ZMYM2: variants seen among roughly 807,000 people sequenced by gnomAD.
ZMYM2 encodes zinc finger MYM-type containing 2, also known as zinc finger MYM-type protein 2.
In ZMYM2, 56 loss-of-function variants were observed where a neutral mutation model predicts 162.8. That is an observed-to-expected ratio of 0.34 (90% CI 0.28 to 0.43). The LOEUF (loss-of-function observed/expected upper bound fraction) is 0.43, where lower values mean the gene tolerates loss of function less well. ZMYM2 is among the 20% of genes least tolerant of loss of function. ZMYM2 has a pLI of 1.00. For synonymous variants in ZMYM2, 510 were observed against 541.6 expected, an observed-to-expected ratio of 0.94 and a Z score of 0.81; for missense variants, 1,275 against 1,621.8, an observed-to-expected ratio of 0.79 and a Z score of 3.67.
intron 2 of ZMYM2, among the ~76,000 whole-genome samples, chr13:19,979,667 C>T (rs1957134829): frequency 6.6e-6 from 1 of 152,100 alleles, no homozygotes; most frequent in African/African-American, 2.4e-5. Context: ...ACACACAATC[C>T]CAAATTTTGG....
At chr13:19,954,320 G>A (rs1954474552), upstream of ZMYM2, among the ~76,000 whole-genome samples, 1 of 151,364 alleles carries the variant, frequency 6.6e-6, no homozygotes, top group Non-Finnish European at 1.5e-5. Context: ...AGTAGAGACG[G>A]GGTTTCACCG....
chr13:19,942,945 G>A, the ZMYM2 span, among the ~76,000 whole-genome samples: 2 of 152,146 alleles, frequency 1.3e-5, no homozygotes, highest in East Asian at 1.9e-4. Flanking sequence ...TAGAAATTAG[G>A]TTCGTAGGGC....
chr13:20,021,994 T>TA (rs1370320560), intron 7 of ZMYM2, among the ~76,000 whole-genome samples: 1 of 152,212 alleles, frequency 6.6e-6, no homozygotes, highest in Non-Finnish European at 1.5e-5. Context: ...TAGGCTCTGT[T>TA]AACCTCCCCT....
rs191867357 is a variant in ZMYM2 at position 20,088,504 on chromosome 13, A to G, written c.*2490A>G. 1.0e-4 allele frequency: 20 copies of G among 199,664 alleles called. No homozygotes were observed. The highest frequency in any genetic ancestry group is 4.4e-4 in the African/African-American group (19 of 43,560). The allele number at this position is 199,664 out of a possible 1,614,324, so 12.4% of individuals were successfully genotyped here. On this transcript the variant is annotated 3_prime_UTR_variant, in exon 25 of 25. Transcript: ENST00000610343. ...TAAAATGATCCAGTGAAAAATATTTATCCACATTGAAGAAAGTGGATTTCC... is the reference window on the plus strand; with the variant it reads ...TAAAATGATCCAGTGAAAAATATTTGTCCACATTGAAGAAAGTGGATTTCC...
chr13:20,038,793 T>G (rs1953971133), intron 12 of ZMYM2, among the ~76,000 whole-genome samples: 1 of 149,208 alleles, frequency 6.7e-6, no homozygotes, highest in Non-Finnish European at 1.5e-5. Flanking sequence ...TTTTAAAAGT[T>G]TTTTTTTTTT....
At chr13:19,984,274 GTTAA>G (rs1311356033) in intron 2 of ZMYM2, among the ~76,000 whole-genome samples, 5 of 152,064 alleles carry the variant, frequency 3.3e-5, no homozygotes, top group Non-Finnish European at 4.4e-5. Context: ...CAACTGTTGT[GTTAA>G]TTAATTCTCA....
intron 16 of ZMYM2, 141 bp downstream of exon 16, chr13:20,059,703 A>C: frequency 4.6e-6 from 3 of 647,218 alleles, no homozygotes; most frequent in Non-Finnish European, 8.2e-6. Flanking sequence ...TTCCCCAATA[A>C]ATATGGGCGG....
At chr13:20,032,755 C>T (rs1211639806) in intron 10 of ZMYM2, among the ~76,000 whole-genome samples, 1 of 151,608 alleles carries the variant, frequency 6.6e-6, no homozygotes, top group Non-Finnish European at 1.5e-5. Context: ...ATTACAGATG[C>T]CTGCCACCAC....
chr13:19,916,761 A>G, the ZMYM2 span, among the ~76,000 whole-genome samples: 1 of 152,140 alleles, frequency 6.6e-6, no homozygotes, highest in Non-Finnish European at 1.5e-5. Flanking sequence ...TACCTAATGT[A>G]AATGACGAGT....
rs768818721 is a variant in ZMYM2, at chr13:20,064,498, T to C, written c.3085T>C (p.Phe1029Leu). ...MENEFLLPPV[F>L]GEEYEEQPRP... is the part of the protein sequence containing the mutation. Reference sequence around the variant, plus strand: ...AAATGAATTTTTATTACCACCTGTTTTTGGCGAAGAATATGAGGAACAGCC... The same window carrying C: ...AAATGAATTTTTATTACCACCTGTTCTTGGCGAAGAATATGAGGAACAGCC... The change falls in exon 19 of 25, where the codon TTT becomes CTT. Residue 1029 changes from phenylalanine (F) to leucine (L), a missense_variant. Phe to Leu is a conservative substitution (Grantham distance 22). Around this residue, in one of 10 missense-constraint regions of ZMYM2, gnomAD observed 229 missense variants for 283.8 expected, o/e 0.81. Transcript: ENST00000610343. The C allele has an allele frequency of 3.7e-6, 6 of 1,601,062 alleles. No individual in the cohort carries two copies. Among genetic ancestry groups the C allele is most frequent in the Non-Finnish European group, 5.1e-6 (6 of 1,173,722 alleles).
chr13:20,034,411 T>G lies in ZMYM2; in HGVS notation c.2119+7T>G, dbSNP rs757081392. On this transcript the variant is annotated splice_region_variant and intron_variant, in intron 11 of 24. Transcript: ENST00000610343. ...AGACCTTTCTGTAGTGAAGGCAAGTTGCATATACAGTGTTGTTCATAACAT... is the reference window on the plus strand; with the variant it reads ...AGACCTTTCTGTAGTGAAGGCAAGTGGCATATACAGTGTTGTTCATAACAT... 2 of 1,577,998 alleles carry G rather than the reference T, an allele frequency of 1.3e-6. No homozygotes were observed. Among genetic ancestry groups the G allele is most frequent in the Admixed American group, 3.7e-5 (2 of 53,596 alleles).
At chr13:19,998,149 A>G (rs1296394729) in intron 3 of ZMYM2, among the ~76,000 whole-genome samples, 3 of 152,356 alleles carry the variant, frequency 2.0e-5, no homozygotes, top group Admixed American at 1.3e-4. Flanking sequence ...GAAGAGCTAT[A>G]AAATCTTGGC....
At chr13:19,913,037 A>G in the ZMYM2 span, among the ~76,000 whole-genome samples, 2 of 152,188 alleles carry the variant, frequency 1.3e-5, no homozygotes, top group Non-Finnish European at 2.9e-5. Context: ...CTAGAGCAAG[A>G]GACGGGTCTG....
chr13:19,902,768 TTTGGGAGG>T, the ZMYM2 span, among the ~76,000 whole-genome samples: 1 of 152,142 alleles, frequency 6.6e-6, no homozygotes, highest in Non-Finnish European at 1.5e-5. Flanking sequence ...ATCCCAGCAC[TTTGGGAGG>T]CTGAGGTGTG....
chr13:19,992,551 C>A (rs560277238), intron 2 of ZMYM2, among the ~76,000 whole-genome samples: 8 of 152,062 alleles, frequency 5.3e-5, no homozygotes, highest in Non-Finnish European at 1.0e-4. Flanking sequence ...CAGAACGAGA[C>A]CCTGTCCTTC....
chr13:19,998,504 A>AT (rs1342730989), intron 3 of ZMYM2, among the ~76,000 whole-genome samples: 2 of 152,200 alleles, frequency 1.3e-5, no homozygotes, highest in Admixed American at 1.3e-4. Flanking sequence ...TTCAAGCATA[A>AT]TTTTTGATTG....
chr13:20,061,366 T>G, intron 17 of ZMYM2, 142 bp downstream of exon 17: 1 of 622,560 alleles, frequency 1.6e-6, no homozygotes, highest in South Asian at 7.3e-5. Flanking sequence ...ATGTTTTTTA[T>G]ATTAAGAGAT....
intron 2 of ZMYM2, among the ~76,000 whole-genome samples, chr13:19,978,534 A>G (rs948133730): frequency 3.9e-5 from 6 of 151,926 alleles, no homozygotes; most frequent in African/African-American, 1.2e-4. Flanking sequence ...CTCCTGCCTC[A>G]GCCTGCCGAG....
chr13:19,884,333 T>G, the ZMYM2 span, among the ~76,000 whole-genome samples: 894 of 152,230 alleles, frequency 5.9e-3, 12 homozygotes, highest in African/African-American at 0.02. Flanking sequence ...CCCCGCACTT[T>G]GAAAGGCCCT....
Sources: gnomAD v4.1 joint callset for allele counts (sites outside exome capture counted in the v4.1 genomes callset) on GRCh38, gnomAD v4.1.1 for gene constraint, gnomAD v4.1.1 regional missense constraint, MANE v1.5 for transcripts, NCBI Gene and HGNC (gene_info 2026-07-23, HGNC 2026-07-21) for gene names.